The following CSMD1 variants were observed in gnomAD, a reference collection of about 807,000 sequenced individuals.
CSMD1 encodes CUB and Sushi multiple domains 1, also known as CUB and sushi domain-containing protein 1.
CSMD1 carries 213 observed loss-of-function variants against 417.5 expected under a neutral mutation model. The ratio of observed to expected loss-of-function variants is 0.51; its 90% confidence interval spans 0.46 to 0.57. The LOEUF (loss-of-function observed/expected upper bound fraction) is 0.57, where lower values mean the gene tolerates loss of function less well. CSMD1 is among the 20% of genes least tolerant of loss of function. CSMD1 has a pLI of 0.00. For synonymous variants in CSMD1, 2,862 were observed against 1,736.8 expected (o/e 1.65, Z -16.11); for missense variants, 6,923 against 4,529.7 (o/e 1.53, Z -15.17).
chr8:2,958,814 A>T (rs1167060777), intron 62 of CSMD1, among the ~76,000 whole-genome samples: 1 of 152,226 alleles, frequency 6.6e-6, no homozygotes, highest in Non-Finnish European at 1.5e-5. Flanking sequence ...AATTTTAACC[A>T]GTTATTTAAT....
At chr8:4,434,786 G>T (rs977130981) in intron 2 of CSMD1, among the ~76,000 whole-genome samples, 1 of 152,218 alleles carries the variant, frequency 6.6e-6, no homozygotes, top group East Asian at 1.9e-4. Context: ...CCACACTCCA[G>T]ACCCTGCACC....
At chr8:3,259,162 A>C (rs1307624720) in intron 26 of CSMD1, among the ~76,000 whole-genome samples, 1 of 152,248 alleles carries the variant, frequency 6.6e-6, no homozygotes, top group Admixed American at 6.5e-5. Context: ...AGCTGAAAAC[A>C]TTCTTATTAG....
chr8:3,088,673 A>G (rs955933680), intron 48 of CSMD1, among the ~76,000 whole-genome samples: 5 of 151,916 alleles, frequency 3.3e-5, no homozygotes, highest in African/African-American at 1.2e-4. Context: ...AAAATCCACT[A>G]CCATAAGAAT....
At chr8:4,272,562 G>T (rs1260983811) in intron 3 of CSMD1, among the ~76,000 whole-genome samples, 1 of 152,280 alleles carries the variant, frequency 6.6e-6, no homozygotes. Context: ...TGTAATACCA[G>T]TTATTTACTT....
intron 7 of CSMD1, among the ~76,000 whole-genome samples, chr8:3,636,753 G>A (rs796837162): frequency 1.3e-4 from 20 of 152,286 alleles, no homozygotes; most frequent in African/African-American, 4.3e-4. Flanking sequence ...ATGGCAGGGA[G>A]TAAGGCAGAG....
At chr8:4,829,416 T>G (rs549337927) in intron 1 of CSMD1, among the ~76,000 whole-genome samples, 1 of 152,268 alleles carries the variant, frequency 6.6e-6, no homozygotes, top group African/African-American at 2.4e-5. Flanking sequence ...GTCATACCTT[T>G]TACTGCTGAA....
At chr8:3,682,146 C>T (rs1799697698) in intron 7 of CSMD1, among the ~76,000 whole-genome samples, 1 of 152,144 alleles carries the variant, frequency 6.6e-6, no homozygotes, top group African/African-American at 2.4e-5. Context: ...GACTTCATGT[C>T]TAAAACACCA....
intron 1 of CSMD1, among the ~76,000 whole-genome samples, chr8:4,922,858 TA>T (rs1420142438): frequency 6.6e-6 from 1 of 152,216 alleles, no homozygotes; most frequent in Non-Finnish European, 1.5e-5. Context: ...TTCCTAGTGC[TA>T]AAGTTTTAAC....
At chr8:3,360,704 TG>T (rs765453078) in intron 20 of CSMD1, among the ~76,000 whole-genome samples, 35 of 152,352 alleles carry the variant, frequency 2.3e-4, no homozygotes, top group Admixed American at 3.9e-4. Context: ...TAGAAAACTA[TG>T]CTAATCTTTC....
intron 3 of CSMD1, among the ~76,000 whole-genome samples, chr8:4,376,343 A>C (rs1053194224): frequency 6.6e-6 from 1 of 152,204 alleles, no homozygotes; most frequent in Non-Finnish European, 1.5e-5. Context: ...AAAGTTACCT[A>C]TAATCTCAAC....
chr8:3,087,406 C>T, intron 48 of CSMD1, 121 bp from the exon 49 acceptor site: 1 of 1,004,546 alleles, frequency 1.0e-6, no homozygotes, highest in South Asian at 1.5e-5. Flanking sequence ...GAAATGAGCA[C>T]CAGTATGTAA....
At chr8:3,810,505 T>G (rs934332818) in intron 5 of CSMD1, among the ~76,000 whole-genome samples, 1 of 152,088 alleles carries the variant, frequency 6.6e-6, no homozygotes, top group African/African-American at 2.4e-5. Flanking sequence ...GGGCTGGTCA[T>G]GGAAGAGGTC....
At chr8:3,228,976 C>T (rs140825682) in intron 27 of CSMD1, among the ~76,000 whole-genome samples, 67 of 152,228 alleles carry the variant, frequency 4.4e-4, no homozygotes, top group South Asian at 3.5e-3. Context: ...AGACATTAAA[C>T]ACACATACAT....
At chr8:4,453,155 G>A (rs1585101014) in intron 2 of CSMD1, among the ~76,000 whole-genome samples, 4 of 151,606 alleles carry the variant, frequency 2.6e-5, no homozygotes, top group South Asian at 4.2e-4. Context: ...GGCAAATATG[G>A]CACAAGCCCG....
chr8:3,977,364 A>C (rs1813514457), intron 5 of CSMD1, among the ~76,000 whole-genome samples: 2 of 152,124 alleles, frequency 1.3e-5, no homozygotes, highest in South Asian at 4.1e-4. Flanking sequence ...AGTAGAAGGC[A>C]CTCAATACAT....
At chr8:4,822,150 C>G (rs571805057) in intron 1 of CSMD1, among the ~76,000 whole-genome samples, 3 of 151,882 alleles carry the variant, frequency 2.0e-5, no homozygotes, top group Non-Finnish European at 2.9e-5. Flanking sequence ...ATGTTATAAG[C>G]CTCTGAATTT....
intron 3 of CSMD1, among the ~76,000 whole-genome samples, chr8:4,124,788 G>C (rs531929780): frequency 2.0e-5 from 3 of 152,280 alleles, no homozygotes; most frequent in African/African-American, 7.2e-5. Flanking sequence ...GGAAGTTTAA[G>C]CTCTAGTTGC....
chr8:3,107,650 T>G, intron 45 of CSMD1, 68 bp downstream of exon 45: 1 of 867,354 alleles, frequency 1.2e-6, no homozygotes, highest in Non-Finnish European at 1.9e-6. Flanking sequence ...GAGTAATGAT[T>G]ACAATGAGAA....
In CSMD1 at chr8:2,974,271, G is replaced by A. The variant is rs73657533; in HGVS notation, c.8740+180C>T. ...AAAGTAATGGTGTCTAACGATTATT[G>A]CGAAGATGAAGACAATATCTATAAG... On this transcript the variant is annotated intron_variant, in intron 56 of 69. Coordinates refer to ENST00000635120, the MANE Select transcript of CSMD1 (RefSeq NM_033225.6). Among the ~76,000 whole-genome samples the A allele has an allele frequency of 1.2e-3, 190 of 152,354 alleles. 1 individual carries two copies. The highest frequency in any genetic ancestry group is 4.4e-3 in the African/African-American group (181 of 41,582).
Sources: gnomAD v4.1 joint callset for allele counts (sites outside exome capture counted in the v4.1 genomes callset) on GRCh38, gnomAD v4.1.1 for gene constraint, MANE v1.5 for transcripts, NCBI Gene and HGNC (gene_info 2026-07-23, HGNC 2026-07-21) for gene names.